Variants in ADAM28 observed in about 807,000 individuals in gnomAD.
ADAM28 encodes disintegrin and metalloproteinase domain-containing protein 28.
Under a neutral mutation model 101.2 loss-of-function variants are expected in ADAM28, and 105 were observed. The observed-to-expected ratio is 1.04, with a 90% confidence interval of 0.89 to 1.22. ADAM28 has a LOEUF of 1.22. Ranked by LOEUF, ADAM28 falls within the 50% of genes most tolerant of loss-of-function variation. The probability of loss-of-function intolerance (pLI) is 0.00; values close to 1 mark genes in which losing one functional copy is unlikely to be tolerated. For synonymous variants in ADAM28, 322 were observed against 310.6 expected, an observed-to-expected ratio of 1.04 and a Z score of -0.39; for missense variants, 1,028 against 945.4, an observed-to-expected ratio of 1.09 and a Z score of -1.15.
rs113089621 is a variant in ADAM28, at chr8:24,311,048, T to C, written c.307-313T>C. ...AAATGGCCAAAAGGAAAAATGAGTG[T>C]CCAGTGTTTTAGGAGCTCAGGTTTT... is the stretch of plus-strand genomic sequence containing the variant. On this transcript the variant is annotated intron_variant, in intron 4 of 22. Transcript: ENST00000265769. 8.4e-3 allele frequency among the ~76,000 whole-genome samples: 1,280 copies of C among 152,282 alleles called. 18 individuals carry two copies. The highest frequency in any genetic ancestry group is 0.029 in the African/African-American group (1,217 of 41,550).
intron 1 of ADAM28, among the ~76,000 whole-genome samples, chr8:24,294,948 A>T (rs1240297699): frequency 6.6e-6 from 1 of 152,196 alleles, no homozygotes; most frequent in African/African-American, 2.4e-5. Flanking sequence ...TCCAGAGCTT[A>T]TTTAACTCAG....
At chr8:24,296,539 T>G (rs1807990847) in intron 1 of ADAM28, among the ~76,000 whole-genome samples, 2 of 152,208 alleles carry the variant, frequency 1.3e-5, no homozygotes, top group Non-Finnish European at 2.9e-5. Context: ...ATGTTCCCAT[T>G]TCCAAAATGA....
intron 13 of ADAM28, 141 bp from the exon 14 acceptor site, chr8:24,335,305 T>C (rs1813873826): frequency 7.3e-7 from 1 of 1,366,166 alleles, no homozygotes; most frequent in South Asian, 1.7e-5. Context: ...CTTTAATTTA[T>C]GACAATGTAA....
intron 12 of ADAM28, among the ~76,000 whole-genome samples, chr8:24,331,822 C>T (rs984195447): frequency 5.3e-5 from 8 of 152,186 alleles, no homozygotes; most frequent in South Asian, 2.1e-4. Context: ...CTTTGGGACT[C>T]GGGAGTTATT....
intron 16 of ADAM28, 151 bp from the exon 17 acceptor site, chr8:24,342,950 G>A (rs975679980): frequency 1.4e-6 from 2 of 1,391,758 alleles, no homozygotes; most frequent in Middle Eastern, 1.9e-4. Context: ...GATAATGTAA[G>A]CAACAGAGCC....
chr8:24,306,503 G>A (rs944991838), intron 2 of ADAM28, among the ~76,000 whole-genome samples: 3 of 149,924 alleles, frequency 2.0e-5, no homozygotes, highest in African/African-American at 4.9e-5. Context: ...TTCCTTAGTC[G>A]CTGATCTCTA....
rs982651213 is a variant in ADAM28, at chr8:24,355,124, C to T, written c.*720C>T. 6.6e-6 allele frequency: 1 copy of T among 152,500 alleles called. No homozygotes were observed. The highest frequency in any genetic ancestry group is 1.5e-5 in the Non-Finnish European group (1 of 67,996). 9.4% of individuals were successfully genotyped at this position (152,500 alleles called of 1,614,324 possible). A position where few individuals can be genotyped will look rare whatever the true frequency, so the allele number is the denominator to read the frequency against. On this transcript the variant is annotated 3_prime_UTR_variant, in exon 23 of 23. Coordinates refer to ENST00000265769, the MANE Select transcript of ADAM28 (RefSeq NM_014265.6). ...TGGTCTGAATGATATTGATATTGGACACATAGTACTTTTACATGTTTTGAA... is the reference window on the plus strand; with the variant it reads ...TGGTCTGAATGATATTGATATTGGATACATAGTACTTTTACATGTTTTGAA...
intron 9 of ADAM28, among the ~76,000 whole-genome samples, chr8:24,325,887 A>AAAAAAAAAAAAAAAC (rs1812520408): frequency 7.4e-6 from 1 of 135,916 alleles, no homozygotes; most frequent in Admixed American, 7.5e-5. Context: ...AAAAAAAAAA[A>AAAAAAAAAAAAAAAC]AAAAAAAAAA....
chr8:24,312,843 AG>A (rs1810653469), intron 5 of ADAM28, among the ~76,000 whole-genome samples: 1 of 152,156 alleles, frequency 6.6e-6, no homozygotes, highest in South Asian at 2.1e-4. Flanking sequence ...AAAATTGAGA[AG>A]AAATTGATAA....
At chr8:24,335,178 T>C (rs1813853947) in intron 13 of ADAM28, among the ~76,000 whole-genome samples, 2 of 151,978 alleles carry the variant, frequency 1.3e-5, no homozygotes, top group Admixed American at 6.6e-5. Flanking sequence ...TTTTTTTTTT[T>C]CGTCCTGTAC....
Position 24,339,560 on chromosome 8 carries a change from C to A in ADAM28, c.1662C>A (p.Cys554Ter). ...GAGTGGATGACACACTCATTCCCTG[C>A]AAAGCAAAGTAAGTGGCCTTGTCTG... ...CRRVDDTLIP[C>*]KANDTMCGKL... is the part of the protein sequence containing the mutation. Residue 554 changes from cysteine to a stop codon, truncating the protein, a stop_gained, in exon 15 of 23, where the codon TGC becomes TGA. Transcript: ENST00000265769. LOFTEE classifies it high-confidence loss of function. The A allele has an allele frequency of 6.2e-7, 1 of 1,611,362 alleles. No individual in the cohort carries two copies. The highest frequency in any genetic ancestry group is 8.5e-7 in the Non-Finnish European group (1 of 1,178,628).
chr8:24,309,422 T>A (rs1810137763), intron 2 of ADAM28, among the ~76,000 whole-genome samples: 1 of 152,198 alleles, frequency 6.6e-6, no homozygotes, highest in African/African-American at 2.4e-5. Context: ...TTCACCTGGG[T>A]AATTTATGTG....
At chr8:24,303,659 T>A (rs1050830513) in intron 2 of ADAM28, among the ~76,000 whole-genome samples, 1 of 152,200 alleles carries the variant, frequency 6.6e-6, no homozygotes, top group Non-Finnish European at 1.5e-5. Flanking sequence ...TTAAAGTAAT[T>A]TTTTTCTAAT....
rs1816748122 is a variant in ADAM28, at chr8:24,357,317, G to C, written c.*2913G>C. 1 of 152,172 alleles carries C rather than the reference G, an allele frequency of 6.6e-6. No homozygotes were observed. The highest frequency in any genetic ancestry group is 2.1e-4 in the South Asian group (1 of 4,826). 9.4% of individuals were successfully genotyped at this position (152,172 alleles called of 1,614,324 possible). On this transcript the variant is annotated 3_prime_UTR_variant, in exon 23 of 23. Coordinates refer to ENST00000265769, the MANE Select transcript of ADAM28 (RefSeq NM_014265.6). ...AATAGATAGCTGATACAAGGAAGTA[G>C]AGAACAAACATTTTCTATTAGTCTG...
intron 6 of ADAM28, among the ~76,000 whole-genome samples, chr8:24,319,827 G>A (rs148784683): frequency 1.8e-3 from 272 of 151,850 alleles, no homozygotes; most frequent in African/African-American, 6.1e-3. Context: ...TATTTCACCA[G>A]GATATGAATT....
intron 2 of ADAM28, chr8:24,308,593 A>T: frequency 2.2e-6 from 1 of 456,168 alleles, no homozygotes; most frequent in South Asian, 1.5e-5. Context: ...GTAAGAGGTT[A>T]TGACTATTCT....
rs758918676 is a variant in ADAM28, at chr8:24,351,207, G to C, written c.2100-25G>C. Reference sequence around the variant, plus strand: ...TGCTGAAGGAGCTGCTAAGTCAATTGATATCATGTGTTTCTCTCTTACAGG... The same window carrying C: ...TGCTGAAGGAGCTGCTAAGTCAATTCATATCATGTGTTTCTCTCTTACAGG... On this transcript the variant is annotated intron_variant, in intron 19 of 22. Transcript: ENST00000265769. 15 of 1,516,766 alleles carry C rather than the reference G, an allele frequency of 9.9e-6. No individual in the cohort carries two copies. The Admixed American group carries it at 1.7e-4, about 17-fold the overall frequency. The allele number at this position is 1,516,766 out of a possible 1,614,324, so 94.0% of individuals were successfully genotyped here. A position where few individuals can be genotyped will look rare whatever the true frequency, so the allele number is the denominator to read the frequency against.
At chr8:24,299,911 C>G in intron 1 of ADAM28, 63 bp from the exon 2 acceptor site, 1 of 1,243,770 alleles carries the variant, frequency 8.0e-7, no homozygotes. Flanking sequence ...GTAAGGATGG[C>G]CTTTACTGAC....
At chr8:24,309,227 G>T (rs1269911722) in intron 2 of ADAM28, among the ~76,000 whole-genome samples, 1 of 152,040 alleles carries the variant, frequency 6.6e-6, no homozygotes, top group Non-Finnish European at 1.5e-5. Context: ...TTAAATACCT[G>T]GGACTGTGGT....
Sources: gnomAD v4.1 joint callset for allele counts (sites outside exome capture counted in the v4.1 genomes callset) on GRCh38, gnomAD v4.1.1 for gene constraint, MANE v1.5 for transcripts, NCBI Gene and HGNC (gene_info 2026-07-23, HGNC 2026-07-21) for gene names.